The following MYO16 variants were observed in gnomAD, a reference collection of about 807,000 sequenced individuals.
MYO16 encodes the protein myosin XVI, also known as unconventional myosin-XVI.
Under a neutral mutation model 205.3 loss-of-function variants are expected in MYO16, and 94 were observed. The observed-to-expected ratio is 0.46, with a 90% CI of 0.39 to 0.54. The LOEUF (loss-of-function observed/expected upper bound fraction) is 0.54, where lower values mean the gene tolerates loss of function less well. Ranked by LOEUF, MYO16 falls within the 20% of genes least tolerant of loss-of-function variation. The probability of loss-of-function intolerance (pLI) is 0.00; values close to 1 mark genes in which losing one functional copy is unlikely to be tolerated. For synonymous variants in MYO16, 988 were observed against 954.0 expected (o/e 1.04, Z -0.66); for missense variants, 2,315 against 2,387.5 (o/e 0.97, Z 0.63).
At chr13:108,965,999 A>G (rs1055536414) in intron 20 of MYO16, among the ~76,000 whole-genome samples, 1 of 152,176 alleles carries the variant, frequency 6.6e-6, no homozygotes, top group African/African-American at 2.4e-5. Context: ...TATTAATGGG[A>G]AAGTTCTTAA....
intron 3 of MYO16, among the ~76,000 whole-genome samples, chr13:108,721,246 TTTGAGG>T (rs1416987443): frequency 6.6e-6 from 1 of 152,192 alleles, no homozygotes; most frequent in Non-Finnish European, 1.5e-5. Flanking sequence ...TTGGACAACC[TTTGAGG>T]AAGGCCTTGC....
In MYO16 at chr13:108,669,078, G is replaced by A. The variant is rs529963266; in HGVS notation, c.292+2929G>A. Reference sequence around the variant, plus strand: ...ATAGATGATACCGAAAACCCCAAAAGTGGTTGAAGTGACGTAGAGAAAGAG... The same window carrying A: ...ATAGATGATACCGAAAACCCCAAAAATGGTTGAAGTGACGTAGAGAAAGAG... On this transcript the variant is annotated intron_variant, in intron 2 of 34. Transcript: ENST00000457511. Among the ~76,000 whole-genome samples, 897 of 152,192 alleles carry A rather than the reference G, an allele frequency of 5.9e-3. 4 individuals carry two copies. The highest frequency in any genetic ancestry group is 0.024 in the Middle Eastern group (7 of 294).
At chr13:108,634,301 A>C (rs749467912) in intron 1 of MYO16, among the ~76,000 whole-genome samples, 1 of 151,976 alleles carries the variant, frequency 6.6e-6, no homozygotes, top group African/African-American at 2.4e-5. Flanking sequence ...CTCTTTGCCC[A>C]CTTCTCACCT....
At chr13:109,165,179 T>A in intron 33 of MYO16, 120 bp downstream of exon 33, 1 of 726,338 alleles carries the variant, frequency 1.4e-6, no homozygotes, top group Non-Finnish European at 2.2e-6. Context: ...AAATAGAATA[T>A]AAACCATGAA....
the MYO16 span, among the ~76,000 whole-genome samples, chr13:108,567,711 C>T: frequency 6.6e-6 from 1 of 152,098 alleles, no homozygotes; most frequent in Admixed American, 6.5e-5. Context: ...ATACAGTTCA[C>T]AAACTATAAA....
chr13:108,763,822 TG>T (rs1359535869), intron 4 of MYO16, among the ~76,000 whole-genome samples: 1 of 149,636 alleles, frequency 6.7e-6, no homozygotes, highest in African/African-American at 2.5e-5. Flanking sequence ...TGTGTGTGTG[TG>T]TCGTGTATGT....
chr13:108,790,039 G>A (rs1473473519), intron 5 of MYO16, among the ~76,000 whole-genome samples: 1 of 152,118 alleles, frequency 6.6e-6, no homozygotes, highest in East Asian at 1.9e-4. Flanking sequence ...CAACCGTGGT[G>A]GTCTGACCCA....
rs1346569792 is a variant in MYO16 at position 108,766,115 on chromosome 13, C to CA, written c.508-19515dup. Among the ~76,000 whole-genome samples, 3 of 152,192 alleles carry CA rather than the reference C, an allele frequency of 2.0e-5. No homozygotes were observed. In the East Asian group the frequency reaches 5.8e-4, roughly 29 times the overall value. ...CCATATAACCTCCTACATTATCTGC[C>CA]AAAAATCTAGAACCTAAAGGGATAC... On this transcript the variant is annotated intron_variant, in intron 4 of 34. Coordinates refer to ENST00000457511, the MANE Select transcript of MYO16 (RefSeq NM_001198950.3).
In MYO16 at chr13:108,643,587, T is replaced by G. The variant is rs144764271; in HGVS notation, c.28+13715T>G. On this transcript the variant is annotated intron_variant, in intron 1 of 34. Transcript: ENST00000457511. The stretch of plus-strand genomic sequence containing the variant: ...AAAGATTGGCTTTCATTCTTCAGCA[T>G]GATGCATCTGGCAATCATCCATGTT... 2.4e-3 allele frequency among the ~76,000 whole-genome samples: 361 copies of G among 152,330 alleles called. 6 individuals carry two copies. The highest frequency in any genetic ancestry group is 0.02 in the Admixed American group (302 of 15,296).
chr13:108,950,117 G>A (rs1883087962), intron 16 of MYO16, among the ~76,000 whole-genome samples: 1 of 152,114 alleles, frequency 6.6e-6, no homozygotes, highest in African/African-American at 2.4e-5. Context: ...AAATATTTGG[G>A]ATCCATGACT....
chr13:108,826,725 G>A (rs865964289), intron 9 of MYO16, among the ~76,000 whole-genome samples: 24 of 152,144 alleles, frequency 1.6e-4, no homozygotes, highest in South Asian at 8.3e-4. Flanking sequence ...AATGCATTTG[G>A]ATATATGTTT....
chr13:108,817,540 G>A (rs1875692958), intron 7 of MYO16, among the ~76,000 whole-genome samples: 1 of 152,034 alleles, frequency 6.6e-6, no homozygotes, highest in East Asian at 1.9e-4. Flanking sequence ...GGGAACTGTT[G>A]GTGATGAGAA....
upstream of MYO16, among the ~76,000 whole-genome samples, chr13:108,628,555 C>G (rs1046385385): frequency 1.3e-5 from 2 of 152,128 alleles, no homozygotes; most frequent in African/African-American, 4.8e-5. Context: ...GTGGTAGAAG[C>G]TGGATTTGAC....
chr13:108,989,170 A>G (rs1177626269), intron 20 of MYO16, among the ~76,000 whole-genome samples: 1 of 152,180 alleles, frequency 6.6e-6, no homozygotes, highest in Non-Finnish European at 1.5e-5. Flanking sequence ...TACTGTTAAC[A>G]TAGATTTTAT....
At chr13:108,984,550 C>A (rs946667768) in intron 20 of MYO16, among the ~76,000 whole-genome samples, 2 of 152,194 alleles carry the variant, frequency 1.3e-5, no homozygotes, top group Non-Finnish European at 2.9e-5. Context: ...CTTTGACAAT[C>A]ACAGAAATCT....
intron 20 of MYO16, among the ~76,000 whole-genome samples, chr13:108,989,318 T>C (rs1372768862): frequency 6.6e-6 from 1 of 152,178 alleles, no homozygotes; most frequent in Admixed American, 6.5e-5. Flanking sequence ...ATTACCTTTA[T>C]ATACACATCA....
intron 1 of MYO16, among the ~76,000 whole-genome samples, chr13:108,643,376 G>A (rs762629149): frequency 9.2e-5 from 14 of 152,150 alleles, no homozygotes; most frequent in African/African-American, 1.7e-4. Flanking sequence ...GTGTGGATGC[G>A]CCATGGTTTG....
In MYO16 at chr13:109,093,695, T is replaced by C. The variant is rs966217408; in HGVS notation, c.3336-7090T>C. Among the ~76,000 whole-genome samples, 28 of 151,992 alleles carry C rather than the reference T, an allele frequency of 1.8e-4. 1 individual carries two copies. Among genetic ancestry groups the C allele is most frequent in the Non-Finnish European group, 1.5e-5 (1 of 68,010 alleles). On this transcript the variant is annotated intron_variant, in intron 27 of 34. Coordinates refer to ENST00000457511, the MANE Select transcript of MYO16 (RefSeq NM_001198950.3). ...CCACGTTGATCCATTCACCAGAAAA[T>C]CCGGCTGGGCCTACCCAAATATGTA...
Position 108,856,669 on chromosome 13 carries a change from A to C in MYO16, c.1359+1116A>C, listed in dbSNP as rs558263066. Among the ~76,000 whole-genome samples, 7 of 152,102 alleles carry C rather than the reference A, an allele frequency of 4.6e-5. No homozygotes were observed. The East Asian group carries it at 7.7e-4, about 17-fold the overall frequency. On this transcript the variant is annotated intron_variant, in intron 11 of 34. Transcript: ENST00000457511. ...TTTTGTCTTAATTATAGAAGCCTGG[A>C]AGACCATTGCCTAATTTCTTTTGTC... is the stretch of plus-strand genomic sequence containing the variant.
Sources: allele counts gnomAD v4.1 joint callset (sites outside exome capture counted in the v4.1 genomes callset), GRCh38; gene constraint gnomAD v4.1.1; transcripts MANE v1.5; gene names NCBI Gene and HGNC (gene_info 2026-07-23, HGNC 2026-07-21).